The following LACTBL1 variants were observed in gnomAD, a reference collection of about 807,000 sequenced individuals.
The protein encoded by LACTBL1 is lactamase beta like 1, also known as beta-lactamase-like protein 1.
In LACTBL1, 29 loss-of-function variants were observed where a neutral mutation model predicts 39.6. The ratio of observed to expected loss-of-function variants is 0.73; its 90% CI spans 0.55 to 1.00. The LOEUF is 1.00. Ranked by LOEUF, LACTBL1 falls within the 50% of genes least tolerant of loss-of-function variation. The pLI is 0.00. For missense variants in LACTBL1, 711 were observed against 748.5 expected (o/e 0.95, Z 0.59); for synonymous variants, 361 against 360.7 (o/e 1.00, Z -0.01).
upstream of LACTBL1, chr1:22,965,370 A>G (rs902947313): frequency 7.9e-7 from 1 of 1,271,396 alleles, no homozygotes; most frequent in Non-Finnish European, 1.0e-6. Context: ...GAAGCTGCAG[A>G]TGGCCGGGAG....
chr1:22,967,456 A>G (rs1457897144), upstream of LACTBL1, among the ~76,000 whole-genome samples: 3 of 151,918 alleles, frequency 2.0e-5, no homozygotes, highest in African/African-American at 7.3e-5. Context: ...AGGTGGGAGG[A>G]TTGCTTGAAC....
At chr1:22,958,160 G>A (rs760378155) in intron 4 of LACTBL1, among the ~76,000 whole-genome samples, 24 of 151,950 alleles carry the variant, frequency 1.6e-4, no homozygotes, top group Non-Finnish European at 3.2e-4. Flanking sequence ...ATCATAGCTC[G>A]GTGCAGCCTT....
intron 4 of LACTBL1, 70 bp from the exon 7 acceptor site, chr1:22,955,496 C>G: frequency 1.1e-6 from 1 of 925,130 alleles, no homozygotes; most frequent in Non-Finnish European, 1.7e-6. Flanking sequence ...TGGGTGCACT[C>G]CCTCCCCACC....
rs1640849576 is a variant in LACTBL1, at chr1:22,963,673, T to C, written c.50-457A>G. On this transcript the variant is annotated intron_variant, in intron 1 of 5. Coordinates refer to ENST00000426928, the Ensembl canonical transcript of LACTBL1. ...GCTGAGCATCAGGGCTTTGGGGGCC[T>C]GAGTCTGTTCTGCCTTTGTCCGGGT... Among the ~76,000 whole-genome samples the C allele has an allele frequency of 2.0e-5, 3 of 152,170 alleles. No individual in the cohort carries two copies. In the South Asian group the frequency reaches 6.2e-4, roughly 32 times the overall value.
At chr1:22,956,377 G>A (rs1640762084) in intron 4 of LACTBL1, among the ~76,000 whole-genome samples, 2 of 152,032 alleles carry the variant, frequency 1.3e-5, no homozygotes, top group African/African-American at 4.8e-5. Context: ...CCAAAAAAAG[G>A]AGAAGGAGAA....
At chr1:22,958,565 C>G in intron 4 of LACTBL1, 120 bp downstream of exon 6, 2 of 774,752 alleles carry the variant, frequency 2.6e-6, no homozygotes, top group Non-Finnish European at 4.1e-6. Context: ...ATGAGAGGGA[C>G]GTAGGGCCAG....
chr1:22,964,778 C>A (rs999662073), intron 1 of LACTBL1, among the ~76,000 whole-genome samples: 5 of 152,196 alleles, frequency 3.3e-5, no homozygotes, highest in Non-Finnish European at 7.4e-5. Flanking sequence ...CTTTAATTGG[C>A]AAACAAAGGG....
In LACTBL1 at chr1:22,954,040, T is replaced by A; in HGVS notation, c.660-16A>T. ...GTAATGGCATCTGGAAGGAGAGCAG[T>A]GGCAAGTGGGACGGGGCCCTTCCTC... On this transcript the variant is annotated splice_polypyrimidine_tract_variant and intron_variant, in intron 5 of 5. Coordinates refer to ENST00000426928, the Ensembl canonical transcript of LACTBL1. 1 of 1,511,536 alleles carries A rather than the reference T, an allele frequency of 6.6e-7. No homozygotes were observed. Among genetic ancestry groups the A allele is most frequent in the South Asian group, 1.3e-5 (1 of 79,022 alleles). The allele number at this position is 1,511,536 out of a possible 1,614,324, so 93.6% of individuals were successfully genotyped here. A position where few individuals can be genotyped will look rare whatever the true frequency, so the allele number is the denominator to read the frequency against.
At chr1:22,964,701 T>C (rs534169374) in intron 1 of LACTBL1, among the ~76,000 whole-genome samples, 210 of 152,358 alleles carry the variant, frequency 1.4e-3, no homozygotes, top group African/African-American at 4.8e-3. Flanking sequence ...TGGTCCCAGC[T>C]AGAGCCTAGG....
chr1:22,953,086 CTG>C lies in LACTBL1; in HGVS notation c.1596_1597del (p.Tyr532Ter). ...CGGCTTGCCCCGCAGCCGCAGCACT[CTG>C]TACGTGTTGAGGCCGGGCACGTCGA... is the stretch of plus-strand genomic sequence containing the variant. On this transcript the variant is annotated stop_gained and frameshift_variant, in exon 6 of 6. Transcript: ENST00000426928. LOFTEE classifies it high-confidence loss of function. The C allele has an allele frequency of 8.1e-7, 1 of 1,232,300 alleles. No homozygotes were observed. Among genetic ancestry groups the C allele is most frequent in the Non-Finnish European group, 1.0e-6 (1 of 988,052 alleles). The allele number at this position is 1,232,300 out of a possible 1,614,324, so 76.3% of individuals were successfully genotyped here.
chr1:22,971,847 G>A, the LACTBL1 span, among the ~76,000 whole-genome samples: 2 of 152,118 alleles, frequency 1.3e-5, no homozygotes, highest in Admixed American at 1.3e-4. Context: ...GTTTAGTTGA[G>A]AATAAATAAG....
chr1:22,965,326 A>G, exon 1 of LACTBL1: 1 of 1,318,492 alleles, frequency 7.6e-7, no homozygotes, highest in Non-Finnish European at 9.7e-7. Context: ...TGCCACAGGA[A>G]GCAGCCAGTC....
chr1:22,953,462 C>T (rs1040417869), exon 6 of LACTBL1: 419 of 1,227,378 alleles, frequency 3.4e-4, no homozygotes, highest in Non-Finnish European at 4.2e-4. Flanking sequence ...CGCTCCAGGG[C>T]GGGCAGGAGC....
intron 4 of LACTBL1, among the ~76,000 whole-genome samples, chr1:22,958,210 C>T (rs747576214): frequency 2.6e-5 from 4 of 152,130 alleles, no homozygotes; most frequent in Non-Finnish European, 2.9e-5. Context: ...CTCAGCCTCC[C>T]GAGTAGCTAA....
At chr1:22,960,361 A>G (rs915879862) in intron 2 of LACTBL1, among the ~76,000 whole-genome samples, 2 of 152,226 alleles carry the variant, frequency 1.3e-5, no homozygotes, top group Admixed American at 1.3e-4. Context: ...CATGCCTGTA[A>G]TCTTAGCACT....
upstream of LACTBL1, among the ~76,000 whole-genome samples, chr1:22,965,609 C>T (rs560879526): frequency 3.9e-5 from 6 of 152,214 alleles, no homozygotes; most frequent in South Asian, 1.2e-3. Context: ...AATAGTTCTG[C>T]CCTCCAAGAG....
chr1:22,972,769 T>C, the LACTBL1 span: 2 of 697,934 alleles, frequency 2.9e-6, no homozygotes, highest in Non-Finnish European at 3.5e-6. Context: ...GGCCACAACT[T>C]ACCCTCTCCA....
Position 22,958,878 on chromosome 1 carries a change from G to T in LACTBL1, c.360C>A (p.Tyr120Ter), listed in dbSNP as rs1018797134. Reference sequence around the variant, plus strand: ...CCACGATGCCCTCCTCCCACAGACGGTACAGCATGAGGACAGGAAAGATCT... The same window carrying T: ...CCACGATGCCCTCCTCCCACAGACGTTACAGCATGAGGACAGGAAAGATCT... The change falls in exon 4 of 6, where the codon TAC (tyrosine) becomes TAA (stop). Residue 120 changes from tyrosine (Y) to a stop codon, truncating the protein, a stop_gained. Coordinates refer to ENST00000426928, the Ensembl canonical transcript of LACTBL1. LOFTEE classifies it high-confidence loss of function. The T allele has an allele frequency of 1.4e-5, 21 of 1,550,458 alleles. No individual in the cohort carries two copies. Among genetic ancestry groups the T allele is most frequent in the Non-Finnish European group, 1.8e-5 (21 of 1,146,898 alleles).
At chr1:22,971,577 GC>G in the LACTBL1 span, among the ~76,000 whole-genome samples, 1 of 152,080 alleles carries the variant, frequency 6.6e-6, no homozygotes, top group Non-Finnish European at 1.5e-5. Flanking sequence ...CATGCTCACG[GC>G]CCACTCTGGG....
Sources: allele counts gnomAD v4.1 joint callset (sites outside exome capture counted in the v4.1 genomes callset), GRCh38; gene constraint gnomAD v4.1.1; transcripts MANE v1.5; gene names NCBI Gene and HGNC (gene_info 2026-07-23, HGNC 2026-07-21).